The following KCTD1 variants were observed in gnomAD, a reference collection of about 807,000 sequenced individuals.
The protein encoded by KCTD1 is BTB/POZ domain-containing protein KCTD1.
KCTD1 carries 24 observed loss-of-function variants against 66.0 expected under a neutral mutation model. The observed-to-expected ratio is 0.36, with a 90% CI of 0.26 to 0.51. The LOEUF is 0.51. Among genes scored for constraint, KCTD1 ranks in the 20% least tolerant of loss-of-function variants. The pLI, the probability that KCTD1 is intolerant of heterozygous loss-of-function variation, is 0.95. For missense variants in KCTD1, 943 were observed against 1,205.2 expected (o/e 0.78, Z 3.22); for synonymous variants, 511 against 517.2 (o/e 0.99, Z 0.16).
intron 1 of KCTD1, among the ~76,000 whole-genome samples, chr18:26,562,125 C>G (rs1052512205): frequency 2.6e-5 from 4 of 152,200 alleles, no homozygotes; most frequent in African/African-American, 9.7e-5. Context: ...CAGGGAAAGG[C>G]ACCACAATTC....
At chr18:26,491,005 G>T (rs140019063) in intron 2 of KCTD1, among the ~76,000 whole-genome samples, 2 of 152,104 alleles carry the variant, frequency 1.3e-5, no homozygotes, top group African/African-American at 4.8e-5. Context: ...CGCCCACCTC[G>T]GCCTCCCAAA....
In KCTD1 at chr18:26,566,356, T is replaced by C. The variant is rs1985980167; in HGVS notation, c.-16+62791A>G. 2.0e-5 allele frequency: 3 copies of C among 152,562 alleles called. No individual in the cohort carries two copies. In the South Asian group the frequency reaches 6.2e-4, roughly 32 times the overall value. The allele number at this position is 152,562 out of a possible 1,614,324, so 9.5% of individuals were successfully genotyped here. A position where few individuals can be genotyped will look rare whatever the true frequency, so the allele number is the denominator to read the frequency against. ...AGTTTCTGCCCAGGCTTCTGCCCTG[T>C]GTTTTCCCTGGCTGCACTTCCCACC... On this transcript the variant is annotated intron_variant, in intron 1 of 4. Coordinates refer to the KCTD1 transcript ENST00000317932.
At chr18:26,627,877 A>G (rs926818668) in intron 1 of KCTD1, among the ~76,000 whole-genome samples, 1 of 152,192 alleles carries the variant, frequency 6.6e-6, no homozygotes, top group African/African-American at 2.4e-5. Context: ...ATAAAGGAAG[A>G]ATCCACCTGG....
At chr18:26,548,921 G>A (rs1985419974), upstream of KCTD1, 1 of 988,856 alleles carries the variant, frequency 1.0e-6, no homozygotes, top group East Asian at 1.1e-4. Flanking sequence ...GGGCCCGGGC[G>A]GGAGAGAGGG....
intron 1 of KCTD1, among the ~76,000 whole-genome samples, chr18:26,529,597 G>A (rs375817594): frequency 2.3e-4 from 35 of 152,260 alleles, no homozygotes; most frequent in South Asian, 8.3e-4. Context: ...GAAACTAACC[G>A]TTGAAGAAAA....
Position 26,480,605 on chromosome 18 carries a change from T to TA in KCTD1, c.1989-3947dup, listed in dbSNP as rs1981590421. On this transcript the variant is annotated intron_variant, in intron 2 of 4. Coordinates refer to ENST00000580059, the MANE Select transcript of KCTD1 (RefSeq NM_001142730.3). ...CAACATGGTGAAACCCTGTCTCTAC[T>TA]AAAAATACAAAAATTAGCCGGGCGT... Among the ~76,000 whole-genome samples, 7 of 152,116 alleles carry TA rather than the reference T, an allele frequency of 4.6e-5. No homozygotes were observed. In the South Asian group the frequency reaches 1.5e-3, roughly 32 times the overall value.
chr18:26,625,492 T>G, intron 1 of KCTD1, among the ~76,000 whole-genome samples: 1 of 152,192 alleles, frequency 6.6e-6, no homozygotes, highest in East Asian at 1.9e-4. Context: ...TGCTCAGCAC[T>G]TCTCCTTCCT....
intron 2 of KCTD1, among the ~76,000 whole-genome samples, chr18:26,485,771 G>A (rs1416472998): frequency 6.6e-6 from 1 of 151,834 alleles, no homozygotes; most frequent in Non-Finnish European, 1.5e-5. Context: ...TATATTTGGA[G>A]GTATTTCTGA....
chr18:26,624,770 T>A (rs1210589862), intron 1 of KCTD1, among the ~76,000 whole-genome samples: 3 of 152,276 alleles, frequency 2.0e-5, no homozygotes, highest in African/African-American at 7.2e-5. Flanking sequence ...AGGACCACCA[T>A]CCTTCAGACC....
rs182247118 is a variant in KCTD1, at chr18:26,484,458, C to G, written c.1989-7799G>C. Among the ~76,000 whole-genome samples, 4 of 152,216 alleles carry G rather than the reference C, an allele frequency of 2.6e-5. No homozygotes were observed. The East Asian group carries it at 7.7e-4, about 29-fold the overall frequency. ...TATGAGTGCAATAACAAGTCAGGAA[C>G]TCGGCGTTTTGTAGAATCCATCACT... On this transcript the variant is annotated intron_variant, in intron 2 of 4. Transcript: ENST00000580059.
At chr18:26,576,364 G>A (rs1174287958) in intron 1 of KCTD1, among the ~76,000 whole-genome samples, 2 of 152,172 alleles carry the variant, frequency 1.3e-5, no homozygotes, top group Non-Finnish European at 2.9e-5. Flanking sequence ...CCCTTGCTGA[G>A]ATTTGGGTGC....
rs1322302140 is a variant in KCTD1, at chr18:26,548,396, A to G, written c.141T>C (p.Arg47=). ...GAGGRGRRHS[R]PHYCSAGEEE... The stretch of plus-strand genomic sequence containing the variant: ...CCTCGCCCGCGCTGCAGTAGTGCGG[A>G]CGGCTGTGGCGGCGGCCGCGGCCCC... Residue 47 remains arginine (R), a synonymous_variant, in exon 1 of 5, where the codon CGT becomes CGC. Transcript: ENST00000580059. 2.1e-6 allele frequency: 3 copies of G among 1,442,078 alleles called. No individual in the cohort carries two copies. Among genetic ancestry groups the G allele is most frequent in the Admixed American group, 2.2e-5 (1 of 44,886 alleles). 89.3% of individuals were successfully genotyped at this position (1,442,078 alleles called of 1,614,324 possible).
At chr18:26,627,003 C>T (rs1215333054) in intron 1 of KCTD1, among the ~76,000 whole-genome samples, 1 of 152,060 alleles carries the variant, frequency 6.6e-6, no homozygotes, top group Non-Finnish European at 1.5e-5. Context: ...TTAATTACAT[C>T]CCCCTCTTTC....
At chr18:26,493,939 A>C (rs1567967221) in intron 2 of KCTD1, among the ~76,000 whole-genome samples, 1 of 152,214 alleles carries the variant, frequency 6.6e-6, no homozygotes, top group Admixed American at 6.5e-5. Flanking sequence ...CTACTCACTG[A>C]AACCTTGCTT....
intron 1 of KCTD1, among the ~76,000 whole-genome samples, chr18:26,583,043 C>T (rs1047363409): frequency 2.0e-5 from 3 of 150,890 alleles, no homozygotes; most frequent in Admixed American, 6.6e-5. Flanking sequence ...TATATATTTC[C>T]GTAATGTTTA....
At chr18:26,513,126 T>C (rs1029622226) in intron 1 of KCTD1, among the ~76,000 whole-genome samples, 54 of 151,054 alleles carry the variant, frequency 3.6e-4, no homozygotes, top group Admixed American at 6.6e-4. Flanking sequence ...CTCGCTGTGT[T>C]GCCCAGGCTG....
intron 1 of KCTD1, among the ~76,000 whole-genome samples, chr18:26,554,826 TA>T (rs1451440354): frequency 1.3e-5 from 2 of 152,352 alleles, no homozygotes; most frequent in African/African-American, 4.8e-5. Flanking sequence ...ATTGGGTTTT[TA>T]TCGAGCCTAA....
chr18:26,507,176 G>GTAA (rs1422123071), intron 1 of KCTD1, among the ~76,000 whole-genome samples: 114 of 152,192 alleles, frequency 7.5e-4, no homozygotes, highest in African/African-American at 2.6e-3. Context: ...AATAATAATA[G>GTAA]TAATAATAAT....
At chr18:26,465,361 G>A (rs1278621974) in intron 3 of KCTD1, among the ~76,000 whole-genome samples, 1 of 152,190 alleles carries the variant, frequency 6.6e-6, no homozygotes, top group African/African-American at 2.4e-5. Flanking sequence ...TGGGATTACA[G>A]GTGTCAGCCA....
Sources: gnomAD v4.1 joint callset for allele counts (sites outside exome capture counted in the v4.1 genomes callset) on GRCh38, gnomAD v4.1.1 for gene constraint, MANE v1.5 for transcripts, NCBI Gene and HGNC (gene_info 2026-07-23, HGNC 2026-07-21) for gene names.